XKR4: variants seen among roughly 807,000 people sequenced by gnomAD.
The protein encoded by XKR4 is XK related 4, also known as XK-related protein 4.
XKR4 carries 12 observed loss-of-function variants against 53.9 expected under a neutral mutation model. The ratio of observed to expected loss-of-function variants is 0.22; its 90% CI spans 0.14 to 0.36. The LOEUF (loss-of-function observed/expected upper bound fraction) is 0.36, where lower values mean the gene tolerates loss of function less well. XKR4 is among the 10% of genes least tolerant of loss of function. XKR4 has a pLI of 1.00. For missense variants in XKR4, 799 were observed against 859.5 expected (o/e 0.93, Z 0.88); for synonymous variants, 354 against 362.4 (o/e 0.98, Z 0.26).
intron 1 of XKR4, among the ~76,000 whole-genome samples, chr8:55,132,624 A>T (rs1816573060): frequency 6.6e-6 from 1 of 152,202 alleles, no homozygotes; most frequent in South Asian, 2.1e-4. Flanking sequence ...GCCTGACTCC[A>T]GGGCCATATT....
At chr8:55,506,049 G>A (rs917745580) in intron 2 of XKR4, among the ~76,000 whole-genome samples, 6 of 152,184 alleles carry the variant, frequency 3.9e-5, no homozygotes, top group African/African-American at 1.4e-4. Context: ...ACTTCTAACT[G>A]GCAGTAGCCA....
chr8:55,423,177 C>T (rs7841430), intron 2 of XKR4, among the ~76,000 whole-genome samples: 1 of 151,794 alleles, frequency 6.6e-6, no homozygotes, highest in Non-Finnish European at 1.5e-5. Context: ...CTTACTGCAA[C>T]CTCTACCTCC....
Position 55,112,348 on chromosome 8 carries a change from G to T in XKR4, c.806+9054G>T, listed in dbSNP as rs149969246. On this transcript the variant is annotated intron_variant, in intron 1 of 2. Transcript: ENST00000327381. ...AGAGAATCATGCACATATAGAAGTA[G>T]GATCTATAGGGAACACCACTTGAAA... is the stretch of plus-strand genomic sequence containing the variant. Among the ~76,000 whole-genome samples the T allele has an allele frequency of 1.5e-3, 232 of 152,092 alleles. 1 individual carries two copies. The highest frequency in any genetic ancestry group is 0.01 in the Middle Eastern group (3 of 292).
intron 1 of XKR4, among the ~76,000 whole-genome samples, chr8:55,233,379 A>C: frequency 7.1e-6 from 1 of 140,140 alleles, no homozygotes; most frequent in Admixed American, 7.5e-5. Flanking sequence ...CACTGGGGCC[A>C]TCTGATCTTT....
intron 1 of XKR4, among the ~76,000 whole-genome samples, chr8:55,294,535 T>C (rs1259842468): frequency 6.6e-6 from 1 of 152,160 alleles, no homozygotes; most frequent in Non-Finnish European, 1.5e-5. Flanking sequence ...TATCTCCAAC[T>C]GGAACGTTAA....
chr8:55,293,547 T>C (rs996882392), intron 1 of XKR4, among the ~76,000 whole-genome samples: 2 of 152,292 alleles, frequency 1.3e-5, no homozygotes, highest in Non-Finnish European at 2.9e-5. Context: ...TATATCTGCT[T>C]AAGTTTTGAG....
intron 1 of XKR4, among the ~76,000 whole-genome samples, chr8:55,230,302 T>C (rs1563488477): frequency 6.6e-6 from 1 of 151,326 alleles, no homozygotes; most frequent in Non-Finnish European, 1.5e-5. Context: ...TTATTTCTCC[T>C]ACTACAGACA....
At chr8:55,114,336 C>T (rs182217313) in intron 1 of XKR4, among the ~76,000 whole-genome samples, 1 of 152,116 alleles carries the variant, frequency 6.6e-6, no homozygotes, top group African/African-American at 2.4e-5. Context: ...TTGTGTTGAG[C>T]ATTTTTTTCA....
chr8:55,316,974 C>A (rs1819486747), intron 1 of XKR4, among the ~76,000 whole-genome samples: 1 of 152,108 alleles, frequency 6.6e-6, no homozygotes, highest in South Asian at 2.1e-4. Flanking sequence ...AAAGGAATAG[C>A]TGGCTGGGAA....
rs115147934 is a variant in XKR4 at position 55,294,455 on chromosome 8, T to G, written c.807-63223T>G. 5.8e-3 allele frequency among the ~76,000 whole-genome samples: 886 copies of G among 152,266 alleles called. 7 individuals carry two copies. The highest frequency in any genetic ancestry group is 0.021 in the African/African-American group (852 of 41,550). On this transcript the variant is annotated intron_variant, in intron 1 of 2. Coordinates refer to ENST00000327381, the MANE Select transcript of XKR4 (RefSeq NM_052898.2). ...CCACCTTACCTCAGTAGTGATGGTG[T>G]CTTCCCTGGGCTAAAGGGATGTAGT... is the stretch of plus-strand genomic sequence containing the variant.
intron 2 of XKR4, among the ~76,000 whole-genome samples, chr8:55,375,193 A>G (rs1563335501): frequency 6.6e-6 from 1 of 152,242 alleles, no homozygotes; most frequent in East Asian, 1.9e-4. Context: ...TGATTGGAAA[A>G]TAATTTTAAA....
chr8:55,509,249 G>A (rs1280154791), intron 2 of XKR4, among the ~76,000 whole-genome samples: 1 of 152,176 alleles, frequency 6.6e-6, no homozygotes, highest in Non-Finnish European at 1.5e-5. Context: ...TGCCATTTAT[G>A]ATCTTCAGAA....
At chr8:55,285,891 C>T (rs748421530) in intron 1 of XKR4, among the ~76,000 whole-genome samples, 1 of 152,236 alleles carries the variant, frequency 6.6e-6, no homozygotes, top group Non-Finnish European at 1.5e-5. Flanking sequence ...CCTCTCTTAC[C>T]TATTCACAGC....
At chr8:55,180,185 C>T (rs1817288344) in intron 1 of XKR4, among the ~76,000 whole-genome samples, 1 of 152,118 alleles carries the variant, frequency 6.6e-6, no homozygotes, top group African/African-American at 2.4e-5. Context: ...TTATAATGAC[C>T]ATCAATAGCA....
intron 2 of XKR4, among the ~76,000 whole-genome samples, chr8:55,504,362 C>T (rs1806492894): frequency 6.6e-6 from 1 of 151,204 alleles, no homozygotes; most frequent in African/African-American, 2.4e-5. Context: ...ACAGGCACAC[C>T]CCACCACACC....
intron 1 of XKR4, among the ~76,000 whole-genome samples, chr8:55,126,116 A>G (rs1196918682): frequency 6.6e-6 from 1 of 152,206 alleles, no homozygotes; most frequent in African/African-American, 2.4e-5. Flanking sequence ...TAATTAATAA[A>G]AGAAAGAAGG....
At chr8:55,303,464 T>C (rs557087925) in intron 1 of XKR4, among the ~76,000 whole-genome samples, 1 of 152,244 alleles carries the variant, frequency 6.6e-6, no homozygotes, top group South Asian at 2.1e-4. Context: ...TTCTCTTTTT[T>C]GGTTGTGTCT....
intron 2 of XKR4, among the ~76,000 whole-genome samples, chr8:55,401,576 A>G (rs1804602406): frequency 6.6e-6 from 1 of 152,226 alleles, no homozygotes; most frequent in Non-Finnish European, 1.5e-5. Context: ...GATTAGCATG[A>G]TCTGCGTTCC....
intron 2 of XKR4, chr8:55,453,818 A>G: frequency 2.1e-6 from 1 of 475,742 alleles, no homozygotes; most frequent in East Asian, 5.4e-5. Flanking sequence ...GTTCTCATCC[A>G]CCCACCTCTG....
Sources: allele counts gnomAD v4.1 joint callset (sites outside exome capture counted in the v4.1 genomes callset), GRCh38; gene constraint gnomAD v4.1.1; transcripts MANE v1.5; gene names NCBI Gene and HGNC (gene_info 2026-07-23, HGNC 2026-07-21).